FMN2: variants seen among roughly 807,000 people sequenced by gnomAD.
FMN2 encodes formin-2.
In FMN2, 51 loss-of-function variants were observed where a neutral mutation model predicts 142.3. The observed-to-expected ratio is 0.36, with a 90% CI of 0.29 to 0.45. FMN2 has a LOEUF of 0.45. Ranked by LOEUF, FMN2 falls within the 20% of genes least tolerant of loss-of-function variation. The pLI, the probability that FMN2 is intolerant of heterozygous loss-of-function variation, is 1.00. For synonymous variants in FMN2, 882 were observed against 869.8 expected (o/e 1.01, Z -0.25); for missense variants, 1,936 against 2,122.8 (o/e 0.91, Z 1.73).
intron 7 of FMN2, among the ~76,000 whole-genome samples, chr1:240,266,029 T>TC (rs1668786963): frequency 6.6e-6 from 1 of 151,230 alleles, no homozygotes; most frequent in Non-Finnish European, 1.5e-5. Context: ...CCTTTTTTTT[T>TC]TTTTTAATAA....
chr1:240,130,445 G>A (rs1164399716), intron 2 of FMN2, among the ~76,000 whole-genome samples: 1 of 152,154 alleles, frequency 6.6e-6, no homozygotes, highest in African/African-American at 2.4e-5. Context: ...TGGGATTACA[G>A]GTGGATGCTA....
chr1:240,205,682 C>T (rs796206726), intron 4 of FMN2, among the ~76,000 whole-genome samples: 6 of 151,756 alleles, frequency 4.0e-5, no homozygotes, highest in African/African-American at 1.2e-4. Context: ...AGGATTGCCT[C>T]GATCTCCTGA....
At chr1:240,144,862 C>G (rs1166571282) in intron 2 of FMN2, 1 of 1,431,088 alleles carries the variant, frequency 7.0e-7, no homozygotes, top group South Asian at 1.1e-5. Flanking sequence ...CATCCAGCTC[C>G]TGCCACTCCT....
chr1:240,461,837 G>T (rs1214884955), intron 16 of FMN2, among the ~76,000 whole-genome samples: 1 of 152,134 alleles, frequency 6.6e-6, no homozygotes, highest in Non-Finnish European at 1.5e-5. Flanking sequence ...GTGGTCAAAT[G>T]AGATGGTGCA....
intron 15 of FMN2, among the ~76,000 whole-genome samples, chr1:240,436,045 G>A (rs1316398580): frequency 6.6e-6 from 1 of 152,174 alleles, no homozygotes; most frequent in Non-Finnish European, 1.5e-5. Context: ...TATGTTATCA[G>A]TTTTAATAAA....
chr1:240,186,534 T>C (rs1293841644), intron 3 of FMN2, among the ~76,000 whole-genome samples: 2 of 152,202 alleles, frequency 1.3e-5, no homozygotes, highest in East Asian at 3.8e-4. Flanking sequence ...GAGTGTGTGC[T>C]GAGTGCCAAG....
chr1:240,159,512 A>G (rs1438040625), intron 2 of FMN2, among the ~76,000 whole-genome samples: 1 of 152,050 alleles, frequency 6.6e-6, no homozygotes, highest in African/African-American at 2.4e-5. Flanking sequence ...CCCATCTAAG[A>G]GTCAGGTATT....
chr1:240,240,806 A>G (rs2102867212), intron 6 of FMN2, among the ~76,000 whole-genome samples: 1 of 152,366 alleles, frequency 6.6e-6, no homozygotes, highest in South Asian at 2.1e-4. Flanking sequence ...CTTGTATGCA[A>G]CCAGATAGGT....
intron 2 of FMN2, among the ~76,000 whole-genome samples, chr1:240,173,589 A>C (rs1664796585): frequency 6.6e-6 from 1 of 152,200 alleles, no homozygotes; most frequent in Non-Finnish European, 1.5e-5. Context: ...TTTAGGAAAC[A>C]AGAAATGAAT....
chr1:240,201,897 TA>T (rs561134288), intron 4 of FMN2, among the ~76,000 whole-genome samples: 124 of 152,318 alleles, frequency 8.1e-4, no homozygotes, highest in African/African-American at 2.9e-3. Flanking sequence ...CATCTGTGTC[TA>T]AGGTGACACT....
At chr1:240,318,464 A>G (rs1373492799) in intron 8 of FMN2, among the ~76,000 whole-genome samples, 1 of 150,840 alleles carries the variant, frequency 6.6e-6, no homozygotes, top group Non-Finnish European at 1.5e-5. Context: ...AAGCTTCTTT[A>G]GCACCCACTC....
chr1:240,236,884 A>T (rs577974193), intron 6 of FMN2, among the ~76,000 whole-genome samples: 2 of 152,298 alleles, frequency 1.3e-5, no homozygotes, highest in East Asian at 1.9e-4. Context: ...GCCATATAAA[A>T]ATTAAACTCT....
At chr1:240,245,806 G>C (rs1004442969) in intron 6 of FMN2, among the ~76,000 whole-genome samples, 10 of 152,144 alleles carry the variant, frequency 6.6e-5, no homozygotes, top group African/African-American at 2.2e-4. Context: ...GCCTTCTGTT[G>C]CTTCACCCTC....
chr1:240,115,025 G>T (rs892397955), intron 1 of FMN2, among the ~76,000 whole-genome samples: 22 of 152,116 alleles, frequency 1.4e-4, no homozygotes, highest in East Asian at 1.3e-3. Context: ...CACTAGGTAT[G>T]GTTGTTACCC....
At chr1:240,116,731 G>C (rs375030987) in intron 1 of FMN2, among the ~76,000 whole-genome samples, 2 of 151,724 alleles carry the variant, frequency 1.3e-5, no homozygotes, top group Middle Eastern at 3.2e-3. Flanking sequence ...ATTCCGGCCT[G>C]GGTGACAGAG....
chr1:240,283,165 A>G (rs1380008834), intron 7 of FMN2, among the ~76,000 whole-genome samples: 1 of 152,098 alleles, frequency 6.6e-6, no homozygotes, highest in African/African-American at 2.4e-5. Flanking sequence ...TCCTTCTTAC[A>G]TCTTCTCAGC....
chr1:240,240,907 C>T (rs1667873365), intron 6 of FMN2, among the ~76,000 whole-genome samples: 1 of 152,116 alleles, frequency 6.6e-6, no homozygotes, highest in Admixed American at 6.5e-5. Context: ...ATTGGCTAGA[C>T]TGGCAAAAAG....
At chr1:240,150,636 C>A (rs1663723255) in intron 2 of FMN2, among the ~76,000 whole-genome samples, 1 of 152,170 alleles carries the variant, frequency 6.6e-6, no homozygotes, top group Non-Finnish European at 1.5e-5. Flanking sequence ...CAGTAAAAGT[C>A]AAACTAAATC....
chr1:240,382,855 C>G (rs1056215528), intron 14 of FMN2, among the ~76,000 whole-genome samples: 1 of 152,030 alleles, frequency 6.6e-6, no homozygotes, highest in Non-Finnish European at 1.5e-5. Flanking sequence ...TTTGTAGCTT[C>G]AAATTGTACC....
Sources: allele counts gnomAD v4.1 joint callset (sites outside exome capture counted in the v4.1 genomes callset), GRCh38; gene constraint gnomAD v4.1.1; transcripts MANE v1.5; gene names NCBI Gene and HGNC (gene_info 2026-07-23, HGNC 2026-07-21).